Variants in SLC45A2 observed in about 807,000 individuals in gnomAD.
SLC45A2 encodes solute carrier family 45 member 2.
In SLC45A2, 36 loss-of-function variants were observed where a neutral mutation model predicts 45.5. The observed-to-expected ratio is 0.79, with a 90% CI of 0.61 to 1.04. The LOEUF (loss-of-function observed/expected upper bound fraction) is 1.04. SLC45A2 is among the 50% of genes least tolerant of loss of function. The pLI is 0.00. For synonymous variants in SLC45A2, 306 were observed against 269.3 expected, an observed-to-expected ratio of 1.14 and a Z score of -1.33; for missense variants, 719 against 671.0, an observed-to-expected ratio of 1.07 and a Z score of -0.79.
chr5:33,982,561 A>G, intron 1 of SLC45A2, 149 bp from the exon 2 acceptor site: 1 of 804,228 alleles, frequency 1.2e-6, no homozygotes, highest in Non-Finnish European at 2.0e-6. Flanking sequence ...ATTTTTTTTC[A>G]GGTTTTAAAA....
At chr5:33,952,095 T>C (rs962181553) in intron 4 of SLC45A2, among the ~76,000 whole-genome samples, 4 of 152,122 alleles carry the variant, frequency 2.6e-5, no homozygotes, top group African/African-American at 9.7e-5. Context: ...GCCCAGACCA[T>C]ACTGCACCTC....
chr5:33,968,101 G>C (rs1405420178), intron 2 of SLC45A2, among the ~76,000 whole-genome samples: 1 of 152,088 alleles, frequency 6.6e-6, no homozygotes, highest in African/African-American at 2.4e-5. Context: ...TATCCTAACA[G>C]AATATTAAGA....
intron 5 of SLC45A2, among the ~76,000 whole-genome samples, chr5:33,951,225 T>C (rs531754936): frequency 6.6e-6 from 1 of 152,338 alleles, no homozygotes; most frequent in Non-Finnish European, 1.5e-5. Context: ...CTACCAATGA[T>C]CTTGCTCCAG....
At chr5:33,968,215 C>T (rs1752661268) in intron 2 of SLC45A2, among the ~76,000 whole-genome samples, 1 of 151,902 alleles carries the variant, frequency 6.6e-6, no homozygotes, top group South Asian at 2.1e-4. Context: ...TTTGCTTCTT[C>T]TTCTTAAGCC....
intron 5 of SLC45A2, among the ~76,000 whole-genome samples, chr5:33,948,748 AG>A (rs1454924833): frequency 6.6e-6 from 1 of 152,258 alleles, no homozygotes; most frequent in Non-Finnish European, 1.5e-5. Flanking sequence ...ATGTAATCTA[AG>A]GTGTCTCAAT....
chr5:33,965,538 C>T (rs1310289755), intron 2 of SLC45A2, among the ~76,000 whole-genome samples: 1 of 152,120 alleles, frequency 6.6e-6, no homozygotes, highest in Non-Finnish European at 1.5e-5. Context: ...TGAAGTAAGA[C>T]ATATAGTCTC....
At chr5:33,951,048 C>T (rs1280088927) in intron 5 of SLC45A2, among the ~76,000 whole-genome samples, 1 of 152,200 alleles carries the variant, frequency 6.6e-6, no homozygotes, top group East Asian at 1.9e-4. Context: ...AAGCTGGCAC[C>T]TGGGAAGGAA....
chr5:33,952,147 G>A (rs1752123827), intron 4 of SLC45A2, among the ~76,000 whole-genome samples: 1 of 152,020 alleles, frequency 6.6e-6, no homozygotes, highest in African/African-American at 2.4e-5. Flanking sequence ...TTTTTTAAGA[G>A]ACAGGGTCTT....
chr5:33,967,194 G>T (rs1430057337), intron 2 of SLC45A2, among the ~76,000 whole-genome samples: 1 of 152,184 alleles, frequency 6.6e-6, no homozygotes, highest in East Asian at 1.9e-4. Flanking sequence ...GTCATTTTAG[G>T]CCCAGTGATT....
intron 6 of SLC45A2, among the ~76,000 whole-genome samples, chr5:33,945,613 C>T (rs907980087): frequency 2.6e-5 from 4 of 152,040 alleles, no homozygotes; most frequent in Non-Finnish European, 4.4e-5. Context: ...ATCATTACCC[C>T]CATGGTAACA....
intron 2 of SLC45A2, chr5:33,972,647 T>C (rs1273879714): frequency 6.5e-6 from 1 of 153,648 alleles, no homozygotes; most frequent in East Asian, 1.9e-4. Flanking sequence ...TTGATGGCTA[T>C]ATAAAAGACA....
intron 2 of SLC45A2, chr5:33,971,266 G>T: frequency 1.9e-6 from 1 of 530,214 alleles, no homozygotes; most frequent in South Asian, 1.4e-5. Flanking sequence ...TCTGAGATTG[G>T]AGGGCTATCA....
At chr5:33,961,071 A>C (rs2111952861) in intron 3 of SLC45A2, among the ~76,000 whole-genome samples, 1 of 152,284 alleles carries the variant, frequency 6.6e-6, no homozygotes, top group African/African-American at 2.4e-5. Flanking sequence ...TCTGATGCTC[A>C]GCACTGGGTC....
At position 33,947,227 on chromosome 5, in the gene SLC45A2, G is replaced by T. The variant is rs1447268402; in HGVS notation, c.1304C>A (p.Ser435Tyr). 1.2e-6 allele frequency: 2 copies of T among 1,614,088 alleles called. No homozygotes were observed. Among genetic ancestry groups the T allele is most frequent in the Non-Finnish European group, 1.7e-6 (2 of 1,180,052 alleles). ...AAAGGGCACAGTGTACAGGGTGCTG[G>T]ACATTACACCAAACAGGCTGCACAG... ...LVLCSLFGVM[S>Y]STLYTVPFNL... The change falls in exon 6 of 7, where the codon TCC becomes TAC. Residue 435 changes from serine (S) to tyrosine (Y), a missense_variant. Coordinates refer to ENST00000296589, the MANE Select transcript of SLC45A2 (RefSeq NM_016180.5).
intron 2 of SLC45A2, among the ~76,000 whole-genome samples, chr5:33,970,246 G>A (rs538089296): frequency 2.0e-5 from 3 of 152,324 alleles, no homozygotes; most frequent in African/African-American, 7.2e-5. Context: ...TGCCTAAACT[G>A]AGGGAAGACA....
At chr5:33,979,851 C>G (rs1480542728) in intron 2 of SLC45A2, among the ~76,000 whole-genome samples, 2 of 152,136 alleles carry the variant, frequency 1.3e-5, no homozygotes, top group Non-Finnish European at 2.9e-5. Flanking sequence ...CTTCAGTTAG[C>G]TGGGGGTTAG....
Position 33,944,737 on chromosome 5 carries a change from C to G in SLC45A2, c.1504G>C (p.Gly502Arg). The change falls in exon 7 of 7, where the codon GGG (glycine) becomes CGG (arginine). Residue 502 changes from glycine to arginine, a missense_variant. Transcript: ENST00000296589. The part of the protein sequence containing the change: ...GGLGFLVNTA[G>R]TVVVVVITAS... Reference sequence around the variant, plus strand: ...GTGATCACCACGACGACAACGGTCCCGGCTGTGTTGACCAGAAAGCCCAGG... The same window carrying G: ...GTGATCACCACGACGACAACGGTCCGGGCTGTGTTGACCAGAAAGCCCAGG... The G allele has an allele frequency of 6.2e-7, 1 of 1,614,234 alleles. No individual in the cohort carries two copies. Among genetic ancestry groups the G allele is most frequent in the Non-Finnish European group, 8.5e-7 (1 of 1,180,050 alleles).
In SLC45A2 at chr5:33,956,514, T is replaced by C. The variant is rs76081820; in HGVS notation, c.889-2010A>G. On this transcript the variant is annotated intron_variant, in intron 3 of 6. Transcript: ENST00000296589. Reference sequence around the variant, plus strand: ...GACTTTCTGGAAGGCCAAAGATTGATAATATCTACTTACTATGAGAGTGTT... The same window carrying C: ...GACTTTCTGGAAGGCCAAAGATTGACAATATCTACTTACTATGAGAGTGTT... 4.4e-3 allele frequency among the ~76,000 whole-genome samples: 670 copies of C among 152,314 alleles called. 8 individuals carry two copies. Among genetic ancestry groups the C allele is most frequent in the African/African-American group, 0.015 (618 of 41,568 alleles).
intron 2 of SLC45A2, chr5:33,971,292 T>C: frequency 1.9e-6 from 1 of 523,720 alleles, no homozygotes; most frequent in Non-Finnish European, 3.9e-6. Context: ...GATGTGGGAA[T>C]TGAGGGGTTA....
Sources: allele counts gnomAD v4.1 joint callset (sites outside exome capture counted in the v4.1 genomes callset), GRCh38; gene constraint gnomAD v4.1.1; transcripts MANE v1.5; gene names NCBI Gene and HGNC (gene_info 2026-07-23, HGNC 2026-07-21).